Variants in C1orf21 observed in about 807,000 individuals in gnomAD.
C1orf21 encodes chromosome 1 open reading frame 21.
A neutral mutation model predicts 18.7 loss-of-function variants in C1orf21; 3 were observed. That is an observed-to-expected ratio of 0.16 (90% confidence interval 0.07 to 0.42). The LOEUF (loss-of-function observed/expected upper bound fraction) is 0.42, where lower values mean the gene tolerates loss of function less well. Ranked by LOEUF, C1orf21 falls within the 10% of genes least tolerant of loss-of-function variation. C1orf21 has a pLI of 0.99. For missense variants in C1orf21, 104 were observed against 143.6 expected (o/e 0.72, Z 1.41); for synonymous variants, 41 against 46.4 (o/e 0.88, Z 0.47).
chr1:184,404,008 G>A (rs1285723776), intron 1 of C1orf21, among the ~76,000 whole-genome samples: 1 of 152,144 alleles, frequency 6.6e-6, no homozygotes, highest in Admixed American at 6.5e-5. Context: ...ATAATAAATA[G>A]GAAATGTTTA....
intron 2 of C1orf21, among the ~76,000 whole-genome samples, chr1:184,496,111 G>T (rs1282721176): frequency 6.6e-6 from 1 of 152,056 alleles, no homozygotes; most frequent in African/African-American, 2.4e-5. Context: ...GGGTAGAAAA[G>T]GGGGCAGGTA....
At chr1:184,424,856 C>T (rs941353599) in intron 1 of C1orf21, among the ~76,000 whole-genome samples, 1 of 152,166 alleles carries the variant, frequency 6.6e-6, no homozygotes, top group African/African-American at 2.4e-5. Context: ...ACCATAATCT[C>T]CAACTGTAGT....
chr1:184,601,334 T>C (rs1232505174), intron 5 of C1orf21, among the ~76,000 whole-genome samples: 1 of 152,198 alleles, frequency 6.6e-6, no homozygotes, highest in Admixed American at 6.5e-5. Flanking sequence ...TGGCTTGAAT[T>C]TACCTTCTAA....
In C1orf21 at chr1:184,535,322, A is replaced by C. The variant is rs564619367; in HGVS notation, c.189+27640A>C. ...TCCTGTGATGTTGTGACTTAGTATC[A>C]GCTCTCTCAACAGGAAGTCGCTAAG... On this transcript the variant is annotated intron_variant, in intron 3 of 5. Coordinates refer to ENST00000235307, the MANE Select transcript of C1orf21 (RefSeq NM_030806.4). 7.9e-5 allele frequency among the ~76,000 whole-genome samples: 12 copies of C among 152,296 alleles called. No homozygotes were observed. In the East Asian group the frequency reaches 1.9e-3, roughly 25 times the overall value.
intron 5 of C1orf21, among the ~76,000 whole-genome samples, chr1:184,615,680 A>G (rs773493422): frequency 8.5e-5 from 13 of 152,206 alleles, no homozygotes; most frequent in Non-Finnish European, 1.8e-4. Flanking sequence ...CATGCTACAG[A>G]AGCAGGCTCC....
intron 1 of C1orf21, among the ~76,000 whole-genome samples, chr1:184,460,635 TTCTTC>T (rs1557977788): frequency 2.1e-5 from 2 of 96,020 alleles, no homozygotes; most frequent in Non-Finnish European, 4.8e-5. Flanking sequence ...CTTCTTCTTC[TTCTTC>T]TTCTTCTTCT....
Position 184,623,124 on chromosome 1 carries a change from T to C in C1orf21, c.*3568T>C, listed in dbSNP as rs1293715441. 6.6e-6 allele frequency: 1 copy of C among 152,238 alleles called. No individual in the cohort carries two copies. Among genetic ancestry groups the C allele is most frequent in the African/African-American group, 2.4e-5 (1 of 41,460 alleles). The allele number at this position is 152,238 out of a possible 1,614,324, so 9.4% of individuals were successfully genotyped here. On this transcript the variant is annotated 3_prime_UTR_variant, in exon 6 of 6. Coordinates refer to ENST00000235307, the MANE Select transcript of C1orf21 (RefSeq NM_030806.4). ...TCATAGCCTGTGAAGCAGGTTGGCA[T>C]GTGGATTACAAGTCCTGCTTTGACA... is the stretch of plus-strand genomic sequence containing the variant.
chr1:184,393,998 G>A (rs1656010799), intron 1 of C1orf21, among the ~76,000 whole-genome samples: 1 of 152,132 alleles, frequency 6.6e-6, no homozygotes, highest in Non-Finnish European at 1.5e-5. Flanking sequence ...ACCTAATGTT[G>A]TTGGTTTCCT....
At chr1:184,611,645 G>A (rs2102008846) in intron 5 of C1orf21, among the ~76,000 whole-genome samples, 1 of 152,284 alleles carries the variant, frequency 6.6e-6, no homozygotes, top group East Asian at 1.9e-4. Flanking sequence ...GGGGTTAGGG[G>A]ATAAAGGGTG....
chr1:184,578,916 C>T (rs10911614), intron 3 of C1orf21, among the ~76,000 whole-genome samples: 87,636 of 150,722 alleles, frequency 0.58, 27,651 homozygotes, highest in African/African-American at 0.85. Context: ...TTTGAGACAG[C>T]TTTGTAAGCA....
At chr1:184,391,844 A>G (rs1655975353) in intron 1 of C1orf21, among the ~76,000 whole-genome samples, 1 of 151,904 alleles carries the variant, frequency 6.6e-6, no homozygotes, top group Admixed American at 6.6e-5. Context: ...AGTAGCTGGG[A>G]TTACAGGCAG....
chr1:184,624,637 A>T lies in C1orf21; in HGVS notation c.*5081A>T, dbSNP rs1659977181. 1 of 152,164 alleles carries T rather than the reference A, an allele frequency of 6.6e-6. No individual in the cohort carries two copies. The highest frequency in any genetic ancestry group is 1.5e-5 in the Non-Finnish European group (1 of 68,032). The allele number at this position is 152,164 out of a possible 1,614,324, so 9.4% of individuals were successfully genotyped here. ...ATCCTTTCTTGTGGGCTAGGGTTTGATGTCTCTTTTTCATCTTTGGACTGG... is the reference window on the plus strand; with the variant it reads ...ATCCTTTCTTGTGGGCTAGGGTTTGTTGTCTCTTTTTCATCTTTGGACTGG... On this transcript the variant is annotated 3_prime_UTR_variant, in exon 6 of 6. Coordinates refer to ENST00000235307, the MANE Select transcript of C1orf21 (RefSeq NM_030806.4).
chr1:184,497,764 C>T (rs1657913990), intron 2 of C1orf21, among the ~76,000 whole-genome samples: 1 of 152,064 alleles, frequency 6.6e-6, no homozygotes, highest in Non-Finnish European at 1.5e-5. Flanking sequence ...GTTGTATAAC[C>T]CAGATAAAGT....
rs116216763 is a variant in C1orf21 at position 184,627,324 on chromosome 1, T to C, written c.*7768T>C. 6.6e-6 allele frequency: 1 copy of C among 151,702 alleles called. No homozygotes were observed. Among genetic ancestry groups the C allele is most frequent in the African/African-American group, 2.4e-5 (1 of 41,228 alleles). 9.4% of individuals were successfully genotyped at this position (151,702 alleles called of 1,614,324 possible). On this transcript the variant is annotated 3_prime_UTR_variant, in exon 6 of 6. Transcript: ENST00000235307. ...CCCCTCCCCACCCCCAGAAAAATAA[T>C]TAGAAAAATGTTTAGGAGAAAGGAA...
At chr1:184,575,773 A>G (rs934371088) in intron 3 of C1orf21, among the ~76,000 whole-genome samples, 2 of 152,094 alleles carry the variant, frequency 1.3e-5, no homozygotes, top group African/African-American at 4.8e-5. Flanking sequence ...CTCTTCTCCT[A>G]GCAAACCCCC....
At chr1:184,427,866 C>T (rs1288299125) in intron 1 of C1orf21, among the ~76,000 whole-genome samples, 1 of 152,144 alleles carries the variant, frequency 6.6e-6, no homozygotes, top group African/African-American at 2.4e-5. Context: ...GCACAGCCAT[C>T]CTGACATTCT....
intron 1 of C1orf21, among the ~76,000 whole-genome samples, chr1:184,409,843 A>G (rs945222462): frequency 2.6e-5 from 4 of 152,234 alleles, no homozygotes; most frequent in Admixed American, 1.3e-4. Context: ...CTTCTCTAGC[A>G]GCACTGCAGA....
At chr1:184,462,857 G>A (rs1657328698) in intron 1 of C1orf21, among the ~76,000 whole-genome samples, 3 of 151,884 alleles carry the variant, frequency 2.0e-5, no homozygotes, top group South Asian at 4.2e-4. Context: ...TGAGGTGGGC[G>A]GATCACCTGA....
chr1:184,388,628 T>TC (rs1379471066), intron 1 of C1orf21, among the ~76,000 whole-genome samples: 1 of 144,390 alleles, frequency 6.9e-6, no homozygotes, highest in Non-Finnish European at 1.5e-5. Flanking sequence ...TTCTTTCTTT[T>TC]CTTTTTTTTT....
Sources: allele counts gnomAD v4.1 joint callset (sites outside exome capture counted in the v4.1 genomes callset), GRCh38; gene constraint gnomAD v4.1.1; transcripts MANE v1.5; gene names NCBI Gene and HGNC (gene_info 2026-07-23, HGNC 2026-07-21).